EYS: variants seen among roughly 807,000 people sequenced by gnomAD.
EYS encodes the protein EGF-like photoreceptor maintenance factor.
Under a neutral mutation model 282.1 loss-of-function variants are expected in EYS, and 250 were observed. The observed-to-expected ratio is 0.89, with a 90% CI of 0.80 to 0.98. The LOEUF (loss-of-function observed/expected upper bound fraction) is 0.98. Among genes scored for constraint, EYS ranks in the 50% least tolerant of loss-of-function variants. The probability of loss-of-function intolerance (pLI) is 0.00; values close to 1 mark genes in which losing one functional copy is unlikely to be tolerated. For synonymous variants in EYS, 1,355 were observed against 1,282.9 expected (o/e 1.06, Z -1.20); for missense variants, 4,016 against 3,709.0 (o/e 1.08, Z -2.15).
intron 22 of EYS, among the ~76,000 whole-genome samples, chr6:64,667,664 A>G (rs1159339011): frequency 6.6e-6 from 1 of 152,034 alleles, no homozygotes; most frequent in African/African-American, 2.4e-5. Context: ...ATATTTTCAT[A>G]TAGAGGGAGA....
intron 32 of EYS, among the ~76,000 whole-genome samples, chr6:64,070,825 G>T (rs1414143288): frequency 1.3e-5 from 2 of 152,110 alleles, no homozygotes; most frequent in Admixed American, 6.6e-5. Context: ...AGAATACAAT[G>T]ACCGCTAGTA....
intron 13 of EYS, among the ~76,000 whole-genome samples, chr6:65,049,128 G>GA (rs1773192048): frequency 6.6e-6 from 1 of 151,638 alleles, no homozygotes; most frequent in South Asian, 2.1e-4. Flanking sequence ...TTCAAAAGAA[G>GA]AAAAAAATCA....
intron 19 of EYS, among the ~76,000 whole-genome samples, chr6:64,880,257 T>C (rs1288102132): frequency 6.6e-6 from 1 of 152,010 alleles, no homozygotes; most frequent in African/African-American, 2.4e-5. Context: ...ACTGCAAGAC[T>C]GCTAACTATA....
chr6:65,353,020 C>T (rs370244885), intron 9 of EYS, among the ~76,000 whole-genome samples: 1 of 152,006 alleles, frequency 6.6e-6, no homozygotes, highest in East Asian at 1.9e-4. Flanking sequence ...CTCATGGAAA[C>T]CTTTTCTGGC....
At chr6:65,125,627 A>G (rs1775696941) in intron 12 of EYS, among the ~76,000 whole-genome samples, 1 of 152,152 alleles carries the variant, frequency 6.6e-6, no homozygotes, top group Admixed American at 6.6e-5. Context: ...TTGATGTTTG[A>G]TGGCTTACAG....
chr6:65,089,195 C>G (rs556146399), intron 12 of EYS, among the ~76,000 whole-genome samples: 1 of 152,258 alleles, frequency 6.6e-6, no homozygotes, highest in East Asian at 1.9e-4. Context: ...CTTGTGACAA[C>G]AGGGCAATTA....
chr6:65,071,745 A>C (rs1032106942), intron 12 of EYS, among the ~76,000 whole-genome samples: 1 of 151,870 alleles, frequency 6.6e-6, no homozygotes, highest in African/African-American at 2.4e-5. Context: ...AAAGCATAGT[A>C]AATCAACTTG....
intron 35 of EYS, among the ~76,000 whole-genome samples, chr6:63,938,872 T>C (rs915355161): frequency 6.6e-6 from 1 of 152,264 alleles, no homozygotes; most frequent in Admixed American, 6.5e-5. Context: ...TGGACAGTTC[T>C]GGTCCTTGTT....
At chr6:65,019,908 A>AAGG (rs34883010) in intron 13 of EYS, among the ~76,000 whole-genome samples, 53,352 of 151,838 alleles carry the variant, frequency 0.35, 10,412 homozygotes, top group African/African-American at 0.53. Flanking sequence ...TGGCGGCAGC[A>AAGG]AGAAGTGCCG....
intron 5 of EYS, among the ~76,000 whole-genome samples, chr6:65,439,555 G>A (rs546540839): frequency 6.6e-6 from 1 of 152,150 alleles, no homozygotes; most frequent in South Asian, 2.1e-4. Context: ...TCCTTGAAGA[G>A]GTCCTCCACA....
chr6:65,145,698 A>C (rs1199880596), intron 12 of EYS, among the ~76,000 whole-genome samples: 1 of 152,074 alleles, frequency 6.6e-6, no homozygotes, highest in Non-Finnish European at 1.5e-5. Context: ...GTATTTATTC[A>C]GTAATACACA....
intron 2 of EYS, among the ~76,000 whole-genome samples, chr6:65,606,240 A>C (rs1190229043): frequency 6.6e-6 from 1 of 151,732 alleles, no homozygotes; most frequent in Non-Finnish European, 1.5e-5. Flanking sequence ...ACCACTCTAA[A>C]TGTACATTAA....
At chr6:65,060,866 C>T (rs1199870202) in intron 12 of EYS, among the ~76,000 whole-genome samples, 1 of 150,236 alleles carries the variant, frequency 6.7e-6, no homozygotes, top group Non-Finnish European at 1.5e-5. Flanking sequence ...TTTCTAGTAT[C>T]CATGGCTCTT....
At chr6:64,258,026 T>G (rs1767461371) in intron 30 of EYS, among the ~76,000 whole-genome samples, 1 of 152,010 alleles carries the variant, frequency 6.6e-6, no homozygotes, top group Admixed American at 6.6e-5. Context: ...ATATGGCTCT[T>G]GCACCACAGA....
intron 5 of EYS, among the ~76,000 whole-genome samples, chr6:65,467,875 A>G (rs1009422094): frequency 2.0e-5 from 3 of 152,144 alleles, no homozygotes; most frequent in Non-Finnish European, 4.4e-5. Context: ...TTGATTAAAA[A>G]AAGCCATAGA....
At chr6:65,486,442 G>T (rs985667958) in intron 5 of EYS, among the ~76,000 whole-genome samples, 2 of 152,166 alleles carry the variant, frequency 1.3e-5, no homozygotes, top group African/African-American at 4.8e-5. Flanking sequence ...CTCAAAATCA[G>T]TTTCAAAAAT....
intron 30 of EYS, among the ~76,000 whole-genome samples, chr6:64,285,010 G>T (rs1192963848): frequency 1.3e-5 from 2 of 152,124 alleles, no homozygotes. Flanking sequence ...CATTGTCTTG[G>T]AGATTAACAT....
At chr6:65,315,240 TTCTCTCAAATACCATGA>T (rs1562091326) in intron 11 of EYS, among the ~76,000 whole-genome samples, 1 of 152,160 alleles carries the variant, frequency 6.6e-6, no homozygotes, top group Non-Finnish European at 1.5e-5. Context: ...ATTTGTCTTT[TTCTCTCAAATACCATGA>T]TAGGGTGAAA....
chr6:64,341,758 T>C (rs960303003), intron 29 of EYS, among the ~76,000 whole-genome samples: 1 of 151,726 alleles, frequency 6.6e-6, no homozygotes. Flanking sequence ...TTATCTTTCA[T>C]AGATGGTGTT....
Sources: gnomAD v4.1 joint callset for allele counts (sites outside exome capture counted in the v4.1 genomes callset) on GRCh38, gnomAD v4.1.1 for gene constraint, MANE v1.5 for transcripts, NCBI Gene and HGNC (gene_info 2026-07-23, HGNC 2026-07-21) for gene names.